PABPC1: variants seen among roughly 807,000 people sequenced by gnomAD.
The protein encoded by PABPC1 is poly(A) binding protein cytoplasmic 1, also known as polyadenylate-binding protein 1.
PABPC1 carries 4 observed loss-of-function variants against 74.0 expected under a neutral mutation model. That is an observed-to-expected ratio of 0.05 (90% CI 0.03 to 0.12). PABPC1 has a LOEUF of 0.12. Ranked by LOEUF, PABPC1 falls within the 10% of genes least tolerant of loss-of-function variation. The pLI is 1.00. For missense variants in PABPC1, 271 were observed against 821.1 expected, an observed-to-expected ratio of 0.33 and a Z score of 8.19; for synonymous variants, 227 against 264.1, an observed-to-expected ratio of 0.86 and a Z score of 1.36.
chr8:100,709,072 T>C, intron 9 of PABPC1, 61 bp downstream of exon 9: 1 of 1,249,592 alleles, frequency 8.0e-7, no homozygotes, highest in Non-Finnish European at 1.2e-6. Context: ...GAAGAGCTGA[T>C]TTACCCAATG....
In PABPC1 at chr8:100,709,330, C is replaced by T. The variant is rs75560445; in HGVS notation, c.1246-107G>A. 9.6e-4 allele frequency: 1,403 copies of T among 1,455,414 alleles called. 42 individuals are homozygous for T. The East Asian group carries it at 0.028, about 29-fold the overall frequency. 90.2% of individuals were successfully genotyped at this position (1,455,414 alleles called of 1,614,324 possible). A position where few individuals can be genotyped will look rare whatever the true frequency, so the allele number is the denominator to read the frequency against. On this transcript the variant is annotated intron_variant, in intron 8 of 14. Coordinates refer to ENST00000318607, the MANE Select transcript of PABPC1 (RefSeq NM_002568.4). ...CATTTACCAGGACTTCACACTCAAG[C>T]ATTTTTTCCTACTCAATCATAATTC...
At chr8:100,709,403 C>T (rs926800248) in intron 8 of PABPC1, 56 bp downstream of exon 8, 1 of 1,600,654 alleles carries the variant, frequency 6.2e-7, no homozygotes. Context: ...ACAAAAAACA[C>T]TAGAAATGAC....
In PABPC1 at chr8:100,709,193, TAGG is replaced by T. The variant is rs1178304661; in HGVS notation, c.1273_1275del (p.Pro425del). On this transcript the variant is annotated inframe_deletion, in exon 9 of 15. Coordinates refer to ENST00000318607, the MANE Select transcript of PABPC1 (RefSeq NM_002568.4). ...CTTGGTCTTAGTTGAGCAATTTGGCTAGGAGGATAGTATGCAGCACGGTTCTGA... is the reference window on the plus strand; with the variant it reads ...CTTGGTCTTAGTTGAGCAATTTGGCTAGGATAGTATGCAGCACGGTTCTGA... 2 of 1,613,948 alleles carry T rather than the reference TAGG, an allele frequency of 1.2e-6. No individual in the cohort carries two copies. Among genetic ancestry groups the T allele is most frequent in the East Asian group, 2.2e-5 (1 of 44,892 alleles).
At chr8:100,713,053 AC>A (rs760959500) in intron 5 of PABPC1, 33 bp downstream of exon 5, 5 of 1,424,018 alleles carry the variant, frequency 3.5e-6, no homozygotes, top group Non-Finnish European at 4.9e-6. Context: ...TCAACTTTGT[AC>A]CCCCTTCTTC....
intron 1 of PABPC1, among the ~76,000 whole-genome samples, chr8:100,720,067 G>C (rs1810775272): frequency 6.6e-6 from 1 of 152,160 alleles, no homozygotes; most frequent in African/African-American, 2.4e-5. Context: ...AATGTTAATA[G>C]GAGCTTAAAT....
In PABPC1 at chr8:100,721,118, C is replaced by T. The variant is rs1410263140; in HGVS notation, c.193+273G>A. Among the ~76,000 whole-genome samples, 3 of 152,174 alleles carry T rather than the reference C, an allele frequency of 2.0e-5. No homozygotes were observed. Among genetic ancestry groups the T allele is most frequent in the Admixed American group, 2.0e-4 (3 of 15,288 alleles). On this transcript the variant is annotated intron_variant, in intron 1 of 14. Transcript: ENST00000318607. The surrounding 1 kb of genome is among the most constrained non-coding windows in gnomAD (Gnocchi z 7.4). ...AGGAACCGAATCTCACCCACCCTCC[C>T]GGCGCGTCATCACCCTAAAGTTTGA...
rs1299971802 is a variant in PABPC1 at position 100,720,291 on chromosome 8, A to C, written c.193+1100T>G. On this transcript the variant is annotated intron_variant, in intron 1 of 14. Coordinates refer to ENST00000318607, the MANE Select transcript of PABPC1 (RefSeq NM_002568.4). ...CTGTTTACAAAATTGTGTTTCTGTT[A>C]ACTGTTTAGCTTCAAAATAAAAGCA... Among the ~76,000 whole-genome samples, 2 of 152,228 alleles carry C rather than the reference A, an allele frequency of 1.3e-5. 1 individual carries two copies. Among genetic ancestry groups the C allele is most frequent in the Non-Finnish European group, 2.9e-5 (2 of 68,034 alleles).
intron 4 of PABPC1, among the ~76,000 whole-genome samples, chr8:100,715,121 T>TTACACA (rs1486195539): frequency 2.0e-5 from 2 of 98,868 alleles, no homozygotes; most frequent in Non-Finnish European, 3.8e-5. Context: ...GGATCTCTAA[T>TTACACA]TACACACACA....
chr8:100,715,121 T>C (rs1810632149), intron 4 of PABPC1, among the ~76,000 whole-genome samples: 1 of 98,868 alleles, frequency 1.0e-5, no homozygotes, highest in African/African-American at 6.3e-5. Context: ...GGATCTCTAA[T>C]TACACACACA....
chr8:100,720,219 T>G (rs1976322), intron 1 of PABPC1, among the ~76,000 whole-genome samples: 1 of 152,038 alleles, frequency 6.6e-6, no homozygotes, highest in African/African-American at 2.4e-5. Flanking sequence ...TCAAAGCCAA[T>G]TGATCTAAAG....
intron 9 of PABPC1, among the ~76,000 whole-genome samples, chr8:100,708,719 T>C (rs1040191151): frequency 6.6e-6 from 1 of 151,726 alleles, no homozygotes; most frequent in Non-Finnish European, 1.5e-5. Context: ...CTACTAATAA[T>C]GCGTAAGTTA....
At chr8:100,705,866 T>C (rs981107848) in intron 11 of PABPC1, among the ~76,000 whole-genome samples, 193 bp from the exon 12 acceptor site, 4 of 152,230 alleles carry the variant, frequency 2.6e-5, no homozygotes, top group African/African-American at 7.2e-5. Flanking sequence ...TTTTTCTTTT[T>C]GAGATGGAGT....
intron 11 of PABPC1, among the ~76,000 whole-genome samples, chr8:100,706,128 T>C (rs982614867): frequency 6.6e-6 from 1 of 151,844 alleles, no homozygotes; most frequent in Admixed American, 6.6e-5. Flanking sequence ...TACATAGAGG[T>C]GTGAGCCACC....
chr8:100,707,630 G>A (rs973314425), intron 9 of PABPC1, among the ~76,000 whole-genome samples: 1 of 152,222 alleles, frequency 6.6e-6, no homozygotes, highest in African/African-American at 2.4e-5. Flanking sequence ...GATGGAACAT[G>A]AAGGCAGACT....
At chr8:100,715,183 T>C (rs1159288039) in intron 4 of PABPC1, among the ~76,000 whole-genome samples, 1 of 151,434 alleles carries the variant, frequency 6.6e-6, no homozygotes, top group Admixed American at 6.6e-5. Flanking sequence ...CCTCTTAATG[T>C]AGTAAAATAT....
At chr8:100,705,166 T>C in intron 12 of PABPC1, 110 bp from the exon 13 acceptor site, 2 of 794,832 alleles carry the variant, frequency 2.5e-6, no homozygotes, top group South Asian at 3.6e-5. Context: ...CTCACGTATA[T>C]AATAACCCAT....
chr8:100,718,292 A>C lies in PABPC1; in HGVS notation c.194-12T>G, dbSNP rs1810723534. The C allele has an allele frequency of 6.2e-7, 1 of 1,603,932 alleles. No individual in the cohort carries two copies. The highest frequency in any genetic ancestry group is 8.5e-7 in the Non-Finnish European group (1 of 1,173,376). On this transcript the variant is annotated splice_polypyrimidine_tract_variant and intron_variant, in intron 1 of 14. Coordinates refer to ENST00000318607, the MANE Select transcript of PABPC1 (RefSeq NM_002568.4). ...CAAAGCACGCTCCGCTGCAGGAAGGACATTTTCAGAGTCAATATTACTTCA... is the reference window on the plus strand; with the variant it reads ...CAAAGCACGCTCCGCTGCAGGAAGGCCATTTTCAGAGTCAATATTACTTCA...
Position 100,722,069 on chromosome 8 carries a change from T to G in PABPC1, c.-486A>C, listed in dbSNP as rs1279102196. 1 of 152,732 alleles carries G rather than the reference T, an allele frequency of 6.5e-6. No homozygotes were observed. Among genetic ancestry groups the G allele is most frequent in the South Asian group, 2.0e-4 (1 of 5,116 alleles). 9.5% of individuals were successfully genotyped at this position (152,732 alleles called of 1,614,324 possible). ...AGCACACACTCCGCACTCTCAGCAC[T>G]AACCGCCGGGGAGAAGGGGAAGCAC... On this transcript the variant is annotated 5_prime_UTR_variant, in exon 1 of 15. Transcript: ENST00000318607.
chr8:100,713,234 T>A (rs563878588), intron 4 of PABPC1, 53 bp from the exon 5 acceptor site: 3 of 1,065,280 alleles, frequency 2.8e-6, no homozygotes, highest in Non-Finnish European at 4.0e-6. Flanking sequence ...ATTCACGTTA[T>A]ACATTTCAAA....
Sources: gnomAD v4.1 joint callset for allele counts (sites outside exome capture counted in the v4.1 genomes callset) on GRCh38, gnomAD v4.1.1 for gene constraint, Gnocchi (gnomAD v3.1) non-coding constraint, MANE v1.5 for transcripts, NCBI Gene and HGNC (gene_info 2026-07-23, HGNC 2026-07-21) for gene names.